Variants in TMEM25 observed in about 807,000 individuals in gnomAD.
TMEM25 encodes the protein 0610039J01Rik.
In TMEM25, 36 loss-of-function variants were observed where a neutral mutation model predicts 37.0. That is an observed-to-expected ratio of 0.97 (90% confidence interval 0.75 to 1.28). The LOEUF (loss-of-function observed/expected upper bound fraction) is 1.28. TMEM25 is among the 50% of genes most tolerant of loss of function. TMEM25 has a pLI of 0.00. For synonymous variants in TMEM25, 197 were observed against 203.7 expected (o/e 0.97, Z 0.28); for missense variants, 444 against 477.9 (o/e 0.93, Z 0.66).
chr11:118,533,131 C>A lies in TMEM25; in HGVS notation c.597C>A (p.Leu199=). The change falls in exon 4 of 9, where the codon CTC becomes CTA. Residue 199 remains leucine (L), a synonymous_variant. Coordinates refer to ENST00000313236, the MANE Select transcript of TMEM25 (RefSeq NM_032780.4). ...CCAACCACACGGTGCAGCTGCAGCT[C>A]CGCAGCCTGGCACACAACCTCTCGG... is the stretch of plus-strand genomic sequence containing the variant. ...WLTNHTVQLQ[L]RSLAHNLSVV... 1 of 1,612,182 alleles carries A rather than the reference C, an allele frequency of 6.2e-7. No homozygotes were observed. The highest frequency in any genetic ancestry group is 8.5e-7 in the Non-Finnish European group (1 of 1,179,996).
chr11:118,545,673 A>G (rs1951663471), intron 8 of TMEM25: 2 of 1,221,784 alleles, frequency 1.6e-6, no homozygotes, highest in African/African-American at 1.5e-5. Context: ...AAAGAGCACA[A>G]CGGGCTTAAA....
intron 2 of TMEM25, 25 bp downstream of exon 2, chr11:118,531,896 C>T (rs1555058660): frequency 1.4e-5 from 22 of 1,550,978 alleles, no homozygotes; most frequent in Non-Finnish European, 1.8e-5. Context: ...AGTCGTTGAC[C>T]AAGTCCTTCT....
chr11:118,545,586 G>T, intron 8 of TMEM25: 1 of 1,188,336 alleles, frequency 8.4e-7, no homozygotes, highest in South Asian at 1.3e-5. Context: ...CCTGGCAGAT[G>T]GGGTGTCGCT....
chr11:118,542,734 G>A (rs1292052284), intron 8 of TMEM25, among the ~76,000 whole-genome samples: 2 of 152,094 alleles, frequency 1.3e-5, no homozygotes, highest in South Asian at 2.1e-4. Context: ...GCAACATGGT[G>A]AAACCCCTTC....
At chr11:118,546,481 C>A in exon 9 of TMEM25, 5 of 244,748 alleles carry the variant, frequency 2.0e-5, no homozygotes, top group Non-Finnish European at 3.2e-5. Flanking sequence ...TAGAGTAATA[C>A]CCTGTAAAAA....
chr11:118,531,304 TC>T, intron 1 of TMEM25, 70 bp downstream of exon 1: 1 of 330,036 alleles, frequency 3.0e-6, no homozygotes, highest in Non-Finnish European at 5.7e-6. Context: ...CCTCTCCTCT[TC>T]CGCCGACATC....
In TMEM25 at chr11:118,533,486, G is replaced by C. The variant is rs782663490; in HGVS notation, c.740G>C (p.Gly247Ala). 1 of 1,614,212 alleles carries C rather than the reference G, an allele frequency of 6.2e-7. No homozygotes were observed. The highest frequency in any genetic ancestry group is 8.5e-7 in the Non-Finnish European group (1 of 1,180,034). The change falls in exon 5 of 9, where the codon GGC becomes GCC. Residue 247 changes from glycine to alanine, a missense_variant. By Grantham distance (60) the Gly-to-Ala change is moderately conservative. Coordinates refer to ENST00000313236, the MANE Select transcript of TMEM25 (RefSeq NM_032780.4). ...GIVVAAGLAL[G>A]TLVGFSTLVA... Reference sequence around the variant, plus strand: ...GTTGTGGCTGCTGGGCTTGCACTGGGCACCCTCGTGGGGTTCAGCACCTTG... The same window carrying C: ...GTTGTGGCTGCTGGGCTTGCACTGGCCACCCTCGTGGGGTTCAGCACCTTG...
Position 118,532,744 on chromosome 11 carries a change from T to C in TMEM25, c.383-173T>C, listed in dbSNP as rs139287862. ...CATCTGGGCATTTGGCTCTAGTATT[T>C]ACACTCATAATCACTCCGAAATGCT... On this transcript the variant is annotated intron_variant, in intron 3 of 8. Transcript: ENST00000313236. 701 of 966,732 alleles carry C rather than the reference T, an allele frequency of 7.3e-4. 1 individual carries two copies. In the African/African-American group the frequency reaches 7.4e-3, roughly 10 times the overall value. 59.9% of individuals were successfully genotyped at this position (966,732 alleles called of 1,614,324 possible).
At chr11:118,541,081 T>G (rs1951572396) in intron 8 of TMEM25, among the ~76,000 whole-genome samples, 2 of 152,160 alleles carry the variant, frequency 1.3e-5, no homozygotes, top group Non-Finnish European at 2.9e-5. Context: ...GAGGATGAAC[T>G]TATGGTATGT....
chr11:118,541,573 A>C (rs1041867493), intron 8 of TMEM25, among the ~76,000 whole-genome samples: 3 of 152,154 alleles, frequency 2.0e-5, no homozygotes, highest in African/African-American at 7.2e-5. Context: ...ATTAAAAACA[A>C]ATTTTTTAAA....
At chr11:118,539,164 A>ATT (rs1160816224), downstream of TMEM25, among the ~76,000 whole-genome samples, 12,204 of 100,444 alleles carry the variant, frequency 0.12, 1,357 homozygotes, top group East Asian at 0.44. Flanking sequence ...TTGGTCATAA[A>ATT]TTTTTTTTTT....
chr11:118,545,814 C>CT (rs1565342755), intron 8 of TMEM25: 1 of 1,614,210 alleles, frequency 6.2e-7, no homozygotes, highest in Non-Finnish European at 8.5e-7. Context: ...TCAATGTACT[C>CT]TGCCAGGCTG....
downstream of TMEM25, among the ~76,000 whole-genome samples, chr11:118,536,268 A>C (rs562829568): frequency 7.9e-5 from 12 of 151,026 alleles, no homozygotes; most frequent in Middle Eastern, 3.4e-3. Context: ...ATCTCGGCTC[A>C]CCGCAACCTC....
At chr11:118,533,802 A>G in intron 5 of TMEM25, 55 bp from the exon 6 acceptor site, 1 of 1,612,586 alleles carries the variant, frequency 6.2e-7, no homozygotes, top group Non-Finnish European at 8.5e-7. Context: ...AGGGTAGGAC[A>G]GCCCAGCGTG....
Position 118,535,513 on chromosome 11 carries a change from C to A in TMEM25, c.*933C>A. 3 of 1,533,240 alleles carry A rather than the reference C, an allele frequency of 2.0e-6. No homozygotes were observed. The highest frequency in any genetic ancestry group is 2.6e-6 in the Non-Finnish European group (3 of 1,144,956). The allele number at this position is 1,533,240 out of a possible 1,614,324, so 95.0% of individuals were successfully genotyped here. On this transcript the variant is annotated 3_prime_UTR_variant, in exon 9 of 9. Transcript: ENST00000313236. ...GTTGATGGTTTTTCTCTCAGCATGT[C>A]TCCTCCACCACGGGACCCCAGCCCT...
chr11:118,539,402 G>A (rs782199436), downstream of TMEM25, among the ~76,000 whole-genome samples: 29 of 152,056 alleles, frequency 1.9e-4, no homozygotes, highest in Middle Eastern at 3.4e-3. Flanking sequence ...TCTTGACCTC[G>A]TGATCCACCT....
At chr11:118,533,389 C>T (rs1951388261) in intron 4 of TMEM25, 31 bp from the exon 5 acceptor site, 1 of 1,612,226 alleles carries the variant, frequency 6.2e-7, no homozygotes, top group Non-Finnish European at 8.5e-7. Flanking sequence ...GCACTACCCA[C>T]TTGGGACCTG....
At chr11:118,531,421 G>A (rs1204303365) in intron 1 of TMEM25, 187 bp downstream of exon 1, 1 of 415,356 alleles carries the variant, frequency 2.4e-6, no homozygotes, top group African/African-American at 2.0e-5. Flanking sequence ...ATAGGATTAG[G>A]AGAAAGGCGA....
downstream of TMEM25, chr11:118,546,602 C>A (rs1951692819): frequency 5.8e-6 from 1 of 173,452 alleles, no homozygotes; most frequent in African/African-American, 2.4e-5. Context: ...GATGTCTAAG[C>A]CACTCAGTCT....
Sources: gnomAD v4.1 joint callset for allele counts (sites outside exome capture counted in the v4.1 genomes callset) on GRCh38, gnomAD v4.1.1 for gene constraint, MANE v1.5 for transcripts, NCBI Gene and HGNC (gene_info 2026-07-23, HGNC 2026-07-21) for gene names.